ACTN4: variants seen among roughly 807,000 people sequenced by gnomAD.
ACTN4 encodes the protein actinin alpha 4, also known as alpha-actinin-4.
Under a neutral mutation model 114.2 loss-of-function variants are expected in ACTN4, and 18 were observed. That is an observed-to-expected ratio of 0.16 (90% CI 0.11 to 0.23). The LOEUF is 0.23. Among genes scored for constraint, ACTN4 ranks in the 10% least tolerant of loss-of-function variants. ACTN4 has a pLI of 1.00. For synonymous variants in ACTN4, 515 were observed against 506.3 expected, an observed-to-expected ratio of 1.02 and a Z score of -0.23; for missense variants, 722 against 1,262.9, an observed-to-expected ratio of 0.57 and a Z score of 6.49.
At chr19:38,673,517 TTATA>T (rs1302416290) in intron 1 of ACTN4, among the ~76,000 whole-genome samples, 24 of 80,372 alleles carry the variant, frequency 3.0e-4, no homozygotes, top group African/African-American at 9.3e-4. Flanking sequence ...GAATATATAT[TTATA>T]TATATTCATA....
In ACTN4 at chr19:38,647,679, G is replaced by T. The variant is rs966006455; in HGVS notation, c.-67G>T. ...AGCTGAAGCGGCGGTAGCGGCGGCGGCTCGGGCAGAGGGGCGGGAGCTGAG... is the reference window on the plus strand; with the variant it reads ...AGCTGAAGCGGCGGTAGCGGCGGCGTCTCGGGCAGAGGGGCGGGAGCTGAG... On this transcript the variant is annotated 5_prime_UTR_variant, in exon 1 of 21. Coordinates refer to ENST00000252699, the MANE Select transcript of ACTN4 (RefSeq NM_004924.6). 3.4e-6 allele frequency: 5 copies of T among 1,490,828 alleles called. No homozygotes were observed. Among genetic ancestry groups the T allele is most frequent in the African/African-American group, 1.5e-5 (1 of 68,236 alleles). 92.3% of individuals were successfully genotyped at this position (1,490,828 alleles called of 1,614,324 possible).
intron 7 of ACTN4, among the ~76,000 whole-genome samples, chr19:38,709,870 A>C (rs1178969268): frequency 6.6e-6 from 1 of 152,130 alleles, no homozygotes; most frequent in Non-Finnish European, 1.5e-5. Flanking sequence ...GGAGCCCGAC[A>C]AAGTGGAGTG....
Position 38,731,495 on chromosome 19 carries a change from A to G in ACTN4, c.*2063A>G. 1 of 516,680 alleles carries G rather than the reference A, an allele frequency of 1.9e-6. No individual in the cohort carries two copies. Among genetic ancestry groups the G allele is most frequent in the Non-Finnish European group, 3.5e-6 (1 of 283,274 alleles). The allele number at this position is 516,680 out of a possible 1,614,324, so 32.0% of individuals were successfully genotyped here. Reference sequence around the variant, plus strand: ...CTGACACGTGACTCGATGTGTGGGTACTGTTACTCCTTAAATCCTGTGGGG... The same window carrying G: ...CTGACACGTGACTCGATGTGTGGGTGCTGTTACTCCTTAAATCCTGTGGGG... On this transcript the variant is annotated 3_prime_UTR_variant, in exon 21 of 21. Transcript: ENST00000252699.
chr19:38,668,699 G>GAA (rs1213624047), intron 1 of ACTN4, among the ~76,000 whole-genome samples: 1 of 149,544 alleles, frequency 6.7e-6, no homozygotes. Context: ...AAAGAAAAAA[G>GAA]AAAAAAAGAA....
chr19:38,677,827 A>G (rs1194267385), intron 1 of ACTN4, among the ~76,000 whole-genome samples: 2 of 152,124 alleles, frequency 1.3e-5, no homozygotes, highest in African/African-American at 2.4e-5. Flanking sequence ...CCCGGGTTGA[A>G]GTGATTCTCC....
intron 1 of ACTN4, among the ~76,000 whole-genome samples, chr19:38,664,029 C>T (rs1043998909): frequency 2.1e-4 from 32 of 152,220 alleles, no homozygotes; most frequent in Admixed American, 5.9e-4. Flanking sequence ...TGCACACTGC[C>T]GCCCAGATGA....
In ACTN4 at chr19:38,724,084, A is replaced by G. The variant is rs1568745172; in HGVS notation, c.1692+7A>G. 4 of 1,612,756 alleles carry G rather than the reference A, an allele frequency of 2.5e-6. No individual in the cohort carries two copies. The highest frequency in any genetic ancestry group is 3.4e-6 in the Non-Finnish European group (4 of 1,179,794). On this transcript the variant is annotated splice_region_variant and intron_variant, in intron 14 of 20. Transcript: ENST00000252699. This position sits in a 1 kb window ranked among gnomAD's most constrained non-coding sequence, Gnocchi z 7.0. Reference sequence around the variant, plus strand: ...TACCATCGAGGAGATTGAGGTTCGCACCCCCCGGCCCCCCATCTTCCCAAG... The same window carrying G: ...TACCATCGAGGAGATTGAGGTTCGCGCCCCCCGGCCCCCCATCTTCCCAAG...
At chr19:38,689,872 A>C (rs1346126000) in intron 1 of ACTN4, among the ~76,000 whole-genome samples, 3 of 152,006 alleles carry the variant, frequency 2.0e-5, no homozygotes, top group Middle Eastern at 3.2e-3. Flanking sequence ...ACGAGGTTTC[A>C]CCATGTTGGC....
At chr19:38,681,904 T>TA (rs1363864408) in intron 1 of ACTN4, among the ~76,000 whole-genome samples, 1 of 152,188 alleles carries the variant, frequency 6.6e-6, no homozygotes, top group African/African-American at 2.4e-5. Flanking sequence ...CATCTCGGCT[T>TA]ACTGCAGCCT....
At chr19:38,710,404 C>T (rs1261378886) in intron 8 of ACTN4, 62 bp downstream of exon 8, 12 of 1,538,156 alleles carry the variant, frequency 7.8e-6, no homozygotes, top group East Asian at 2.2e-5. Flanking sequence ...CGCTGCCTCT[C>T]GCCTCCCGTG....
chr19:38,653,067 C>T (rs1392541232), intron 1 of ACTN4, among the ~76,000 whole-genome samples: 1 of 135,784 alleles, frequency 7.4e-6, no homozygotes, highest in African/African-American at 2.7e-5. Flanking sequence ...GCCTGAGTGA[C>T]AGAACAAGAC....
intron 1 of ACTN4, among the ~76,000 whole-genome samples, chr19:38,691,473 T>C (rs1474257331): frequency 6.8e-6 from 1 of 147,076 alleles, no homozygotes; most frequent in Admixed American, 6.8e-5. Context: ...CTAGGGGAGA[T>C]GACAGAGTCC....
At chr19:38,700,908 A>ACTGTGT in intron 2 of ACTN4, 94 bp from the exon 3 acceptor site, 1 of 1,548,300 alleles carries the variant, frequency 6.5e-7, no homozygotes, top group Non-Finnish European at 8.8e-7. Context: ...GCTTTTGGAG[A>ACTGTGT]ACAGAGGAGA....
intron 8 of ACTN4, among the ~76,000 whole-genome samples, chr19:38,712,247 G>GT (rs1555835799): frequency 7.4e-6 from 1 of 135,294 alleles, no homozygotes; most frequent in South Asian, 2.5e-4. Flanking sequence ...AAAACTAGAA[G>GT]GGGGGGGCCG....
Position 38,711,322 on chromosome 19 carries a change from C to T in ACTN4, c.819+980C>T, listed in dbSNP as rs567693469. On this transcript the variant is annotated intron_variant, in intron 8 of 20. Coordinates refer to ENST00000252699, the MANE Select transcript of ACTN4 (RefSeq NM_004924.6). ...CAGATGAGAAGGCCATCATGACTTA[C>T]GTGTCCTGCTTCTACCACGCTTTCT... 81 of 1,043,822 alleles carry T rather than the reference C, an allele frequency of 7.8e-5. No homozygotes were observed. The highest frequency in any genetic ancestry group is 5.8e-4 in the Admixed American group (14 of 23,984). 64.7% of individuals were successfully genotyped at this position (1,043,822 alleles called of 1,614,324 possible).
chr19:38,706,935 G>A (rs1226766079), intron 5 of ACTN4, among the ~76,000 whole-genome samples: 3 of 152,192 alleles, frequency 2.0e-5, no homozygotes, highest in Non-Finnish European at 2.9e-5. Context: ...TCCAGGGGGC[G>A]GCAAGAGGCA....
At chr19:38,673,483 A>ATT (rs1471556767) in intron 1 of ACTN4, among the ~76,000 whole-genome samples, 4 of 114,576 alleles carry the variant, frequency 3.5e-5, no homozygotes, top group Middle Eastern at 3.9e-3. Context: ...ATTTATATAT[A>ATT]TATTCATATA....
rs1469928455 is a variant in ACTN4, at chr19:38,708,200, G to A, written c.651+5G>A. The A allele has an allele frequency of 5.0e-6, 8 of 1,614,140 alleles. No homozygotes were observed. Among genetic ancestry groups the A allele is most frequent in the Middle Eastern group, 3.3e-4 (2 of 6,020 alleles). ...GAGTATGACAAGCTGAGGAAGGTGA[G>A]TGTCTCCAGCTCCCCTTGATGGCCC... On this transcript the variant is annotated splice_donor_5th_base_variant and intron_variant, in intron 6 of 20. Transcript: ENST00000252699.
At chr19:38,702,571 G>A (rs903173611) in intron 3 of ACTN4, among the ~76,000 whole-genome samples, 1 of 152,196 alleles carries the variant, frequency 6.6e-6, no homozygotes. Context: ...CTGCGGCCTT[G>A]CCCAGCTCTG....
Sources: gnomAD v4.1 joint callset for allele counts (sites outside exome capture counted in the v4.1 genomes callset) on GRCh38, gnomAD v4.1.1 for gene constraint, Gnocchi (gnomAD v3.1) non-coding constraint, MANE v1.5 for transcripts, NCBI Gene and HGNC (gene_info 2026-07-23, HGNC 2026-07-21) for gene names.